Variants in ARHGAP15 observed in about 807,000 individuals in gnomAD.
ARHGAP15 encodes the protein rho GTPase-activating protein 15.
Under a neutral mutation model 63.7 loss-of-function variants are expected in ARHGAP15, and 51 were observed. The ratio of observed to expected loss-of-function variants is 0.80; its 90% confidence interval spans 0.64 to 1.01. The LOEUF (loss-of-function observed/expected upper bound fraction) is 1.01. ARHGAP15 is among the 50% of genes least tolerant of loss of function. The pLI is 0.00. For synonymous variants in ARHGAP15, 191 were observed against 193.8 expected (o/e 0.99, Z 0.12); for missense variants, 560 against 564.6 (o/e 0.99, Z 0.08).
chr2:143,522,834 A>G (rs1694112818), intron 10 of ARHGAP15, among the ~76,000 whole-genome samples: 1 of 152,182 alleles, frequency 6.6e-6, no homozygotes, highest in Non-Finnish European at 1.5e-5. Flanking sequence ...AGTAGATACA[A>G]GCAGTGAGAA....
At chr2:143,752,484 G>T (rs1407324651) in intron 13 of ARHGAP15, among the ~76,000 whole-genome samples, 1 of 152,078 alleles carries the variant, frequency 6.6e-6, no homozygotes, top group Non-Finnish European at 1.5e-5. Flanking sequence ...CTTGTGCCAG[G>T]ACCCGCCTGC....
chr2:143,208,185 G>T (rs7561313), intron 3 of ARHGAP15, among the ~76,000 whole-genome samples: 3 of 152,086 alleles, frequency 2.0e-5, no homozygotes, highest in Non-Finnish European at 4.4e-5. Flanking sequence ...AAAATGTTGG[G>T]ATATATAAAT....
chr2:143,235,544 CAG>C (rs529989559), intron 5 of ARHGAP15, among the ~76,000 whole-genome samples: 31 of 152,098 alleles, frequency 2.0e-4, no homozygotes, highest in Non-Finnish European at 3.4e-4. Context: ...TAGCGTTCTC[CAG>C]GTGTCTTCAT....
rs1693060533 is a variant in ARHGAP15 at position 143,501,569 on chromosome 2, T to A, written c.826+14074T>A. Among the ~76,000 whole-genome samples the A allele has an allele frequency of 3.3e-5, 5 of 152,240 alleles. No individual in the cohort carries two copies. The South Asian group carries it at 1.0e-3, about 31-fold the overall frequency. On this transcript the variant is annotated intron_variant, in intron 9 of 13. Coordinates refer to ENST00000295095, the MANE Select transcript of ARHGAP15 (RefSeq NM_018460.4). The stretch of plus-strand genomic sequence containing the variant: ...TCATTAAAAACAGAATTCCAAATGA[T>A]GTCAGATACCTCCAGTTCTCTAGCA...
intron 6 of ARHGAP15, among the ~76,000 whole-genome samples, chr2:143,350,555 C>A (rs960908586): frequency 6.6e-6 from 1 of 150,882 alleles, no homozygotes; most frequent in Non-Finnish European, 1.5e-5. Context: ...TGTGGTGGCT[C>A]ACGCATGTAA....
intron 5 of ARHGAP15, among the ~76,000 whole-genome samples, chr2:143,248,108 A>G (rs1380348709): frequency 6.6e-6 from 1 of 152,224 alleles, no homozygotes; most frequent in Non-Finnish European, 1.5e-5. Context: ...ATATAAAAAT[A>G]TATATGTTAA....
intron 6 of ARHGAP15, among the ~76,000 whole-genome samples, chr2:143,428,544 G>T (rs10928176): frequency 0.24 from 36,730 of 151,596 alleles, 5,317 homozygotes; most frequent in African/African-American, 0.37. Context: ...AGGATATTAT[G>T]ACTAAATTCT....
At chr2:143,741,912 T>G (rs1685976972) in intron 13 of ARHGAP15, among the ~76,000 whole-genome samples, 1 of 152,216 alleles carries the variant, frequency 6.6e-6, no homozygotes, top group Non-Finnish European at 1.5e-5. Flanking sequence ...GATGATCTTA[T>G]TTTCCCTTCT....
intron 6 of ARHGAP15, among the ~76,000 whole-genome samples, chr2:143,398,169 CAA>C (rs1334760818): frequency 6.6e-6 from 1 of 152,074 alleles, no homozygotes; most frequent in African/African-American, 2.4e-5. Context: ...AAGGTGGACT[CAA>C]GAGGTGCTGG....
intron 6 of ARHGAP15, among the ~76,000 whole-genome samples, chr2:143,394,199 G>A (rs1193340292): frequency 1.3e-5 from 2 of 152,116 alleles, no homozygotes; most frequent in African/African-American, 2.4e-5. Flanking sequence ...ACAACTTTAA[G>A]CTACAACCTC....
intron 12 of ARHGAP15, among the ~76,000 whole-genome samples, chr2:143,633,670 T>A (rs1484444476): frequency 6.6e-6 from 1 of 152,176 alleles, no homozygotes; most frequent in Non-Finnish European, 1.5e-5. Flanking sequence ...ATAGACCTGC[T>A]TTTAAAAAAT....
At chr2:143,339,359 T>C (rs747246440) in intron 6 of ARHGAP15, among the ~76,000 whole-genome samples, 3 of 152,130 alleles carry the variant, frequency 2.0e-5, no homozygotes, top group East Asian at 1.9e-4. Context: ...GAGCCAGATA[T>C]TATTCACAAA....
chr2:143,565,237 T>C (rs1042281960), intron 11 of ARHGAP15, among the ~76,000 whole-genome samples: 7 of 152,158 alleles, frequency 4.6e-5, no homozygotes, highest in Non-Finnish European at 8.8e-5. Flanking sequence ...TTTTTAACAT[T>C]AAGGAATCCC....
chr2:143,642,073 A>G (rs576362027), intron 12 of ARHGAP15, among the ~76,000 whole-genome samples: 10 of 152,252 alleles, frequency 6.6e-5, no homozygotes, highest in Admixed American at 2.0e-4. Flanking sequence ...TATTAAGAGA[A>G]TATAAGTATG....
chr2:143,404,903 A>G (rs1431023405), intron 6 of ARHGAP15, among the ~76,000 whole-genome samples: 2 of 152,072 alleles, frequency 1.3e-5, no homozygotes, highest in African/African-American at 4.8e-5. Context: ...GAGAACTTAC[A>G]CATTAAAACA....
intron 2 of ARHGAP15, among the ~76,000 whole-genome samples, chr2:143,174,207 A>G (rs1392434983): frequency 6.6e-6 from 1 of 152,132 alleles, no homozygotes; most frequent in African/African-American, 2.4e-5. Context: ...CTACAGTTAC[A>G]ATTATTAAAG....
At chr2:143,359,826 C>G (rs1685963942) in intron 6 of ARHGAP15, among the ~76,000 whole-genome samples, 1 of 152,066 alleles carries the variant, frequency 6.6e-6, no homozygotes, top group Non-Finnish European at 1.5e-5. Context: ...ATTATATTTA[C>G]AGAAAGTAAT....
rs55848065 is a variant in ARHGAP15 at position 143,140,122 on chromosome 2, A to G, written c.-15+10656A>G. Among the ~76,000 whole-genome samples the G allele has an allele frequency of 2.5e-3, 387 of 152,288 alleles. 2 individuals are homozygous for G. Among genetic ancestry groups the G allele is most frequent in the African/African-American group, 8.3e-3 (347 of 41,572 alleles). ...TTCACTATGATGTAAAAATCATGCTATGATAATTTTGGTTTATTTCAATTC... is the reference window on the plus strand; with the variant it reads ...TTCACTATGATGTAAAAATCATGCTGTGATAATTTTGGTTTATTTCAATTC... On this transcript the variant is annotated intron_variant, in intron 1 of 13. Coordinates refer to ENST00000295095, the MANE Select transcript of ARHGAP15 (RefSeq NM_018460.4).
intron 8 of ARHGAP15, among the ~76,000 whole-genome samples, chr2:143,451,891 C>T (rs1690425067): frequency 6.6e-6 from 1 of 151,906 alleles, no homozygotes; most frequent in Non-Finnish European, 1.5e-5. Flanking sequence ...CCTCAGGGTG[C>T]CGAACTTTGC....
Sources: allele counts gnomAD v4.1 joint callset (sites outside exome capture counted in the v4.1 genomes callset), GRCh38; gene constraint gnomAD v4.1.1; transcripts MANE v1.5; gene names NCBI Gene and HGNC (gene_info 2026-07-23, HGNC 2026-07-21).